THBS2: variants seen among roughly 807,000 people sequenced by gnomAD.
THBS2 encodes the protein thrombospondin-2.
Under a neutral mutation model 135.2 loss-of-function variants are expected in THBS2, and 47 were observed. The observed-to-expected ratio is 0.35, with a 90% CI of 0.28 to 0.44. The LOEUF (loss-of-function observed/expected upper bound fraction) is 0.44, where lower values mean the gene tolerates loss of function less well. Ranked by LOEUF, THBS2 falls within the 20% of genes least tolerant of loss-of-function variation. THBS2 has a pLI of 1.00. For synonymous variants in THBS2, 639 were observed against 633.8 expected (o/e 1.01, Z -0.12); for missense variants, 1,288 against 1,603.1 (o/e 0.80, Z 3.36).
intron 7 of THBS2, 99 bp downstream of exon 7, chr6:169,239,500 C>A (rs1780216868): frequency 2.6e-6 from 3 of 1,155,692 alleles, no homozygotes; most frequent in Non-Finnish European, 3.7e-6. Flanking sequence ...GGGGGCTGAA[C>A]CTCACTCTTC....
Position 169,240,511 on chromosome 6 carries a change from G to A in THBS2, c.973C>T (p.Arg325Trp), listed in dbSNP as rs767196996. 9.3e-6 allele frequency: 15 copies of A among 1,613,842 alleles called. No homozygotes were observed. Among genetic ancestry groups the A allele is most frequent in the East Asian group, 4.5e-5 (2 of 44,896 alleles). ...CACGTTTCATTTTCCGCAAAGAACC[G>A]GCCATCCTGCCAGCAAGCTGACATG... ...RNMSACWQDG[R>W]FFAENETWVV... Residue 325 changes from arginine (R) to tryptophan (W), a missense_variant, in exon 6 of 22, where the codon CGG (arginine) becomes TGG (tryptophan). By Grantham distance (101) the Arg-to-Trp change is moderately radical (BLOSUM62 -3). Around this residue, in one of 2 missense-constraint regions of THBS2, gnomAD observed 414 missense variants for 447.0 expected, o/e 0.93. Transcript: ENST00000617924.
intron 21 of THBS2, 106 bp downstream of exon 21, chr6:169,220,092 A>G (rs923823037): frequency 1.2e-5 from 17 of 1,409,442 alleles, no homozygotes; most frequent in Middle Eastern, 2.3e-4. Context: ...CATTAGGTTT[A>G]TTGCCCTGAT....
At chr6:169,231,407 T>G (rs1363402887) in intron 13 of THBS2, among the ~76,000 whole-genome samples, 1 of 152,184 alleles carries the variant, frequency 6.6e-6, no homozygotes, top group Non-Finnish European at 1.5e-5. Flanking sequence ...CTTGACGTTG[T>G]GTTTCAGGCC....
intron 10 of THBS2, 33 bp from the exon 11 acceptor site, chr6:169,233,050 C>T (rs959982224): frequency 5.3e-6 from 8 of 1,496,726 alleles, no homozygotes; most frequent in South Asian, 3.8e-5. Flanking sequence ...GAGTTCACCA[C>T]GCGCCCTGCG....
Position 169,220,183 on chromosome 6 carries a change from A to T in THBS2, c.3511+15T>A, listed in dbSNP as rs1231790511. The T allele has an allele frequency of 6.2e-7, 1 of 1,611,386 alleles. No individual in the cohort carries two copies. Among genetic ancestry groups the T allele is most frequent in the East Asian group, 2.2e-5 (1 of 44,846 alleles). On this transcript the variant is annotated intron_variant, in intron 21 of 21. Transcript: ENST00000617924. ...CCACATGCCTTCCCCACTAACCTGA[A>T]GTGCTCACACTCACCTCTGCATTCG... is the stretch of plus-strand genomic sequence containing the variant.
intron 3 of THBS2, among the ~76,000 whole-genome samples, chr6:169,247,495 A>G (rs73046018): frequency 0.2 from 30,730 of 151,566 alleles, 3,436 homozygotes; most frequent in Middle Eastern, 0.26. Context: ...GGTTCTGTGT[A>G]TGCATCTATA....
chr6:169,245,791 CAAA>C (rs77953553), intron 4 of THBS2, among the ~76,000 whole-genome samples: 11 of 84,926 alleles, frequency 1.3e-4, no homozygotes, highest in Admixed American at 1.3e-4. Flanking sequence ...GACTCTGGCT[CAAA>C]AAAAAAAAAA....
intron 3 of THBS2, 49 bp downstream of exon 3, chr6:169,248,368 A>T: frequency 6.5e-7 from 1 of 1,548,338 alleles, no homozygotes; most frequent in Non-Finnish European, 8.8e-7. Context: ...ATCAGTTCCC[A>T]GCTAAGCTCT....
At chr6:169,235,049 C>G (rs1779985828) in intron 9 of THBS2, 142 bp from the exon 10 acceptor site, 3 of 772,462 alleles carry the variant, frequency 3.9e-6, no homozygotes, top group Non-Finnish European at 6.0e-6. Context: ...GGTTGGCTGA[C>G]TACAGGTCAG....
chr6:169,221,665 G>T (rs1455915154), intron 19 of THBS2, 138 bp from the exon 20 acceptor site: 1 of 722,198 alleles, frequency 1.4e-6, no homozygotes, highest in Non-Finnish European at 2.4e-6. Flanking sequence ...TCTCTCTGAT[G>T]TGTTTATCAT....
chr6:169,222,111 G>A, intron 19 of THBS2, 86 bp downstream of exon 19: 2 of 1,444,356 alleles, frequency 1.4e-6, no homozygotes, highest in Non-Finnish European at 1.8e-6. Flanking sequence ...CAAAAGTGGG[G>A]TCTCTGGACT....
At chr6:169,245,808 A>AC (rs1780538296) in intron 4 of THBS2, among the ~76,000 whole-genome samples, 1 of 151,602 alleles carries the variant, frequency 6.6e-6, no homozygotes, top group Non-Finnish European at 1.5e-5. Flanking sequence ...AAAAAAAAAA[A>AC]AGAAAACTTC....
intron 16 of THBS2, 71 bp downstream of exon 16, chr6:169,226,109 C>T: frequency 1.3e-6 from 2 of 1,484,152 alleles, no homozygotes; most frequent in East Asian, 2.3e-5. Flanking sequence ...ACAGTGATCC[C>T]CCACACCGCC....
intron 4 of THBS2, among the ~76,000 whole-genome samples, chr6:169,245,603 T>G (rs933527870): frequency 2.0e-5 from 3 of 152,022 alleles, no homozygotes; most frequent in Non-Finnish European, 4.4e-5. Context: ...CCATCTTGGC[T>G]AACACGCTGA....
rs767213464 is a variant in THBS2 at position 169,234,911 on chromosome 6, C to T, written c.1478-4G>A. ...CAGGGGCTCCAGCGGCCATCGACTG[C>T]GGGGAAAGCCAACCAGGGGGAGCTC... On this transcript the variant is annotated splice_polypyrimidine_tract_variant and splice_region_variant and intron_variant, in intron 9 of 21. Coordinates refer to ENST00000617924, the MANE Select transcript of THBS2 (RefSeq NM_003247.5). The T allele has an allele frequency of 2.6e-5, 41 of 1,582,332 alleles. No homozygotes were observed. The highest frequency in any genetic ancestry group is 1.0e-4 in the South Asian group (9 of 88,810).
chr6:169,240,426 C>G (rs750770606), intron 6 of THBS2, 26 bp downstream of exon 6: 2 of 1,610,072 alleles, frequency 1.2e-6, no homozygotes, highest in Admixed American at 1.7e-5. Context: ...GCCTCTTCCC[C>G]CAAGAGCCGT....
intron 21 of THBS2, among the ~76,000 whole-genome samples, chr6:169,218,382 A>G (rs181129243): frequency 3.0e-3 from 348 of 116,250 alleles, no homozygotes; most frequent in African/African-American, 0.011. Context: ...GATGAATGAG[A>G]TAGGTGGGTT....
Position 169,223,401 on chromosome 6 carries a change from C to G in THBS2, c.2848G>C (p.Glu950Gln). ...TCTGTCTCACTGATGGCATTGTTTTCAGGACACACATCATCAATATCTGGG... is the reference window on the plus strand; with the variant it reads ...TCTGTCTCACTGATGGCATTGTTTTGAGGACACACATCATCAATATCTGGG... ...NIPDIDDVCP[E>Q]NNAISETDFR... is the part of the protein sequence containing the mutation. The change falls in exon 18 of 22, where the codon GAA becomes CAA. Residue 950 changes from glutamate (E) to glutamine (Q), a missense_variant. Transcript: ENST00000617924. 7 of 1,614,166 alleles carry G rather than the reference C, an allele frequency of 4.3e-6. No individual in the cohort carries two copies. The highest frequency in any genetic ancestry group is 5.9e-6 in the Non-Finnish European group (7 of 1,180,034).
At position 169,216,099 on chromosome 6, in the gene THBS2, T is replaced by C. The variant is rs1779161706; in HGVS notation, c.*1723A>G. ...TTGACAGTCGCTACATTTAATGAAG[T>C]ATCCCAACGCTTCGTTGGTCTCGGG... On this transcript the variant is annotated 3_prime_UTR_variant, in exon 22 of 22. Coordinates refer to ENST00000617924, the MANE Select transcript of THBS2 (RefSeq NM_003247.5). 6.6e-6 allele frequency: 1 copy of C among 152,304 alleles called. No individual in the cohort carries two copies. The highest frequency in any genetic ancestry group is 2.4e-5 in the African/African-American group (1 of 41,550). 9.4% of individuals were successfully genotyped at this position (152,304 alleles called of 1,614,324 possible). A position where few individuals can be genotyped will look rare whatever the true frequency, so the allele number is the denominator to read the frequency against.
Sources: gnomAD v4.1 joint callset for allele counts (sites outside exome capture counted in the v4.1 genomes callset) on GRCh38, gnomAD v4.1.1 for gene constraint, gnomAD v4.1.1 regional missense constraint, MANE v1.5 for transcripts, NCBI Gene and HGNC (gene_info 2026-07-23, HGNC 2026-07-21) for gene names.